UBE3B: variants seen among roughly 807,000 people sequenced by gnomAD.
UBE3B encodes ubiquitin protein ligase E3B, also known as ubiquitin-protein ligase E3B.
Under a neutral mutation model 132.3 loss-of-function variants are expected in UBE3B, and 80 were observed. The observed-to-expected ratio is 0.60, with a 90% CI of 0.50 to 0.73. The LOEUF is 0.73. Ranked by LOEUF, UBE3B falls within the 30% of genes least tolerant of loss-of-function variation. UBE3B has a pLI of 0.00. For missense variants in UBE3B, 1,196 were observed against 1,362.5 expected, an observed-to-expected ratio of 0.88 and a Z score of 1.92; for synonymous variants, 487 against 520.4, an observed-to-expected ratio of 0.94 and a Z score of 0.87.
Position 109,533,565 on chromosome 12 carries a change from C to G in UBE3B, c.3015+7C>G. On this transcript the variant is annotated splice_region_variant and intron_variant, in intron 27 of 27. Transcript: ENST00000342494. ...GGAGGTGTCGGACGATCAGGTACCC[C>G]CACGGGGTGGGTGGGGAAGAGCCTT... 6.2e-6 allele frequency: 10 copies of G among 1,611,962 alleles called. No homozygotes were observed. The highest frequency in any genetic ancestry group is 7.6e-6 in the Non-Finnish European group (9 of 1,179,264).
At chr12:109,501,598 T>C in intron 13 of UBE3B, 64 bp downstream of exon 13, 1 of 1,550,902 alleles carries the variant, frequency 6.4e-7, no homozygotes, top group Non-Finnish European at 8.7e-7. Context: ...TCCTGTTTCT[T>C]CCTATATGGA....
chr12:109,539,432 A>C (rs1883560264), downstream of UBE3B, among the ~76,000 whole-genome samples: 1 of 152,216 alleles, frequency 6.6e-6, no homozygotes, highest in Admixed American at 6.5e-5. Context: ...TAGAGAGAGC[A>C]AGAGCCTCAG....
At chr12:109,496,001 C>T (rs535504391) in intron 9 of UBE3B, among the ~76,000 whole-genome samples, 2 of 152,336 alleles carry the variant, frequency 1.3e-5, no homozygotes, top group Admixed American at 6.5e-5. Flanking sequence ...CAAAAATCAC[C>T]ACAATCTAAT....
chr12:109,521,873 G>A lies in UBE3B; in HGVS notation c.2364+322G>A, dbSNP rs1204486564. Reference sequence around the variant, plus strand: ...TAGAGGTGGAATTTGAACCCAGGCCGGCCCAAGTCCTAAGGCCAGCCCTCT... The same window carrying A: ...TAGAGGTGGAATTTGAACCCAGGCCAGCCCAAGTCCTAAGGCCAGCCCTCT... On this transcript the variant is annotated intron_variant, in intron 21 of 27. Transcript: ENST00000342494. The surrounding 1 kb of genome is among the most constrained non-coding windows in gnomAD (Gnocchi z 4.2). Among the ~76,000 whole-genome samples the A allele has an allele frequency of 1.3e-5, 2 of 152,266 alleles. No individual in the cohort carries two copies. The highest frequency in any genetic ancestry group is 2.9e-5 in the Non-Finnish European group (2 of 68,010).
At chr12:109,537,406 A>T (rs1543897), downstream of UBE3B, among the ~76,000 whole-genome samples, 85,991 of 152,008 alleles carry the variant, frequency 0.57, 25,315 homozygotes, top group African/African-American at 0.72. Context: ...GCAGCTCTGA[A>T]GTCCCAGTGG....
Position 109,483,672 on chromosome 12 carries a change from C to T in UBE3B, c.121C>T (p.Arg41Trp), listed in dbSNP as rs757786448. The change falls in exon 3 of 28, where the codon CGG (arginine) becomes TGG (tryptophan). Residue 41 changes from arginine to tryptophan, a missense_variant. Coordinates refer to ENST00000342494, the MANE Select transcript of UBE3B (RefSeq NM_130466.4). ...AGCTGTTGTGATCCAGGCCCATGTC[C>T]GGAGTTTTCTCTGTCGGAGTCGACT... ...RAAVVIQAHV[R>W]SFLCRSRLQR... is the part of the protein sequence containing the mutation. The T allele has an allele frequency of 1.1e-5, 18 of 1,611,482 alleles. No homozygotes were observed. The highest frequency in any genetic ancestry group is 3.4e-5 in the Admixed American group (2 of 59,346).
chr12:109,507,290 G>T (rs1873928003), intron 14 of UBE3B, among the ~76,000 whole-genome samples: 1 of 152,188 alleles, frequency 6.6e-6, no homozygotes, highest in South Asian at 2.1e-4. Flanking sequence ...TGTATAAGAT[G>T]GGGATAACAC....
intron 12 of UBE3B, 24 bp downstream of exon 12, chr12:109,499,834 G>GTC: frequency 6.5e-7 from 1 of 1,533,464 alleles, no homozygotes; most frequent in Non-Finnish European, 8.8e-7. Context: ...GCAAATCACT[G>GTC]TCTTTCCTGC....
At chr12:109,533,985 T>G in intron 27 of UBE3B, 3 of 1,298,430 alleles carry the variant, frequency 2.3e-6, no homozygotes, top group Non-Finnish European at 3.0e-6. Context: ...ATTTCCTCAT[T>G]GGCCAAAGGA....
intron 11 of UBE3B, among the ~76,000 whole-genome samples, chr12:109,499,109 C>A (rs987018161): frequency 2.0e-5 from 3 of 152,142 alleles, no homozygotes; most frequent in Non-Finnish European, 4.4e-5. Flanking sequence ...ATAAAAACTT[C>A]CCTGGGGCCA....
intron 11 of UBE3B, 134 bp from the exon 12 acceptor site, chr12:109,499,499 T>C (rs892296807): frequency 1.2e-6 from 1 of 865,616 alleles, no homozygotes; most frequent in East Asian, 3.3e-5. Context: ...CCTCCGGCAT[T>C]GACAGGTGCC....
chr12:109,521,249 T>A lies in UBE3B; in HGVS notation c.2178T>A (p.Asp726Glu). 6.2e-7 allele frequency: 1 copy of A among 1,614,170 alleles called. No individual in the cohort carries two copies. The change falls in exon 20 of 28, where the codon GAT (aspartate) becomes GAA (glutamate). Residue 726 changes from aspartate to glutamate, a missense_variant. Transcript: ENST00000342494. The surrounding 1 kb of genome is among the most constrained non-coding windows in gnomAD (Gnocchi z 4.2). Reference protein sequence around the residue: ...NDLGVDEAGIDQDGVFKEFLE... With the variant: ...NDLGVDEAGIEQDGVFKEFLE... Reference sequence around the variant, plus strand: ...TCGGGGTGGACGAAGCAGGGATTGATCAAGACGGTGTTTTTAAGGAGTTCT... The same window carrying A: ...TCGGGGTGGACGAAGCAGGGATTGAACAAGACGGTGTTTTTAAGGAGTTCT...
downstream of UBE3B, among the ~76,000 whole-genome samples, chr12:109,536,904 A>G (rs1356564507): frequency 6.6e-6 from 1 of 152,178 alleles, no homozygotes; most frequent in Non-Finnish European, 1.5e-5. Flanking sequence ...AAGAAGTAAC[A>G]CATTTCAGAT....
chr12:109,516,839 C>T lies in UBE3B; in HGVS notation c.2031C>T (p.Ser677=). The T allele has an allele frequency of 1.2e-6, 2 of 1,614,082 alleles. No homozygotes were observed. Among genetic ancestry groups the T allele is most frequent in the African/African-American group, 1.3e-5 (1 of 75,004 alleles). ...GGCTGGTGGAAACCAGCTCTGCCTC[C>T]CCGCATGTCACTCACATCACCATCC... ...KLGLVETSSA[S]PHVTHITIRR... The change falls in exon 19 of 28, where the codon TCC becomes TCT. Residue 677 remains serine, a synonymous_variant. Transcript: ENST00000342494.
Position 109,483,643 on chromosome 12 carries a change from G to A in UBE3B, c.92G>A (p.Arg31Gln), listed in dbSNP as rs139172208. 437 of 1,613,228 alleles carry A rather than the reference G, an allele frequency of 2.7e-4. No homozygotes were observed. The highest frequency in any genetic ancestry group is 2.9e-4 in the Non-Finnish European group (346 of 1,179,832). Residue 31 changes from arginine to glutamine, a missense_variant, in exon 3 of 28, where the codon CGG becomes CAG. By Grantham distance (43) the Arg-to-Gln change is conservative. Coordinates refer to ENST00000342494, the MANE Select transcript of UBE3B (RefSeq NM_130466.4). ...EERLVQKERE[R>Q]AAVVIQAHVR... ...AGGCTTGTGCAGAAGGAACGGGAGC[G>A]GGCAGCTGTTGTGATCCAGGCCCAT...
intron 8 of UBE3B, chr12:109,490,242 A>AAT: frequency 1.1e-6 from 1 of 949,884 alleles, no homozygotes; most frequent in Non-Finnish European, 1.6e-6. Context: ...CTGCAAGGGT[A>AAT]ATCCAGTCTT....
chr12:109,478,309 C>T (rs1410394365), intron 1 of UBE3B, among the ~76,000 whole-genome samples, 200 bp downstream of exon 1: 1 of 152,186 alleles, frequency 6.6e-6, no homozygotes, highest in Non-Finnish European at 1.5e-5. Context: ...CTTGGCCATT[C>T]TGTGAACGGG....
rs149769171 is a variant in UBE3B at position 109,498,084 on chromosome 12, A to G, written c.820-149A>G. 6.2e-4 allele frequency: 830 copies of G among 1,346,910 alleles called. 14 individuals are homozygous for G. In the African/African-American group the frequency reaches 0.01, roughly 17 times the overall value. The allele number at this position is 1,346,910 out of a possible 1,614,324, so 83.4% of individuals were successfully genotyped here. A position where few individuals can be genotyped will look rare whatever the true frequency, so the allele number is the denominator to read the frequency against. On this transcript the variant is annotated intron_variant, in intron 10 of 27. Coordinates refer to ENST00000342494, the MANE Select transcript of UBE3B (RefSeq NM_130466.4). ...TAGACACATTTGTGTTAGTAGCCCA[A>G]AGAAGTGGGTTCTTGTCTGTCCATT...
At chr12:109,504,901 G>C (rs1280297900) in intron 14 of UBE3B, among the ~76,000 whole-genome samples, 1 of 151,848 alleles carries the variant, frequency 6.6e-6, no homozygotes, top group Non-Finnish European at 1.5e-5. Flanking sequence ...CGCCTCCCAG[G>C]TTCACGCCAT....
Sources: gnomAD v4.1 joint callset for allele counts (sites outside exome capture counted in the v4.1 genomes callset) on GRCh38, gnomAD v4.1.1 for gene constraint, Gnocchi (gnomAD v3.1) non-coding constraint, MANE v1.5 for transcripts, NCBI Gene and HGNC (gene_info 2026-07-23, HGNC 2026-07-21) for gene names.